CADM2: variants seen among roughly 807,000 people sequenced by gnomAD.
CADM2 encodes the protein immunoglobulin superfamily member 4D.
In CADM2, 12 loss-of-function variants were observed where a neutral mutation model predicts 49.8. The observed-to-expected ratio is 0.24, with a 90% CI of 0.15 to 0.39. CADM2 has a LOEUF of 0.39. Among genes scored for constraint, CADM2 ranks in the 10% least tolerant of loss-of-function variants. The pLI, the probability that CADM2 is intolerant of heterozygous loss-of-function variation, is 1.00. For synonymous variants in CADM2, 214 were observed against 175.4 expected (o/e 1.22, Z -1.74); for missense variants, 378 against 492.3 (o/e 0.77, Z 2.20).
At chr3:85,831,033 C>T (rs1364830259) in intron 3 of CADM2, among the ~76,000 whole-genome samples, 1 of 151,658 alleles carries the variant, frequency 6.6e-6, no homozygotes, top group African/African-American at 2.4e-5. Flanking sequence ...GTGTTCCCAT[C>T]GTTATGTTCA....
chr3:85,529,027 C>G (rs2061236532), intron 1 of CADM2, among the ~76,000 whole-genome samples: 2 of 151,846 alleles, frequency 1.3e-5, no homozygotes, highest in African/African-American at 4.8e-5. Flanking sequence ...ATGTAACAAC[C>G]CTGTCAGAAA....
intron 1 of CADM2, among the ~76,000 whole-genome samples, chr3:85,666,149 A>C (rs2065559343): frequency 6.6e-6 from 1 of 152,072 alleles, no homozygotes; most frequent in Non-Finnish European, 1.5e-5. Flanking sequence ...CAATTTCTAC[A>C]AACAGGATAA....
intron 3 of CADM2, among the ~76,000 whole-genome samples, chr3:85,862,897 T>TG (rs1157280908): frequency 3.3e-5 from 5 of 151,544 alleles, no homozygotes; most frequent in Admixed American, 6.6e-5. Context: ...ACAACTCAAA[T>TG]TTTTTTTTAC....
In CADM2 at chr3:85,778,469, G is replaced by T. The variant is rs148852145; in HGVS notation, c.89-23578G>T. ...AATCATCATGGGAGCAGTTTCTCCC[G>T]TGATGTTCTCGTGATAATGCACGAG... On this transcript the variant is annotated intron_variant, in intron 2 of 9. Coordinates refer to ENST00000383699, the MANE Select transcript of CADM2 (RefSeq NM_001167675.2). Among the ~76,000 whole-genome samples, 560 of 152,124 alleles carry T rather than the reference G, an allele frequency of 3.7e-3. 2 individuals carry two copies. The highest frequency in any genetic ancestry group is 0.013 in the African/African-American group (537 of 41,532).
intron 1 of CADM2, among the ~76,000 whole-genome samples, chr3:85,150,601 A>G (rs1303320410): frequency 6.6e-6 from 1 of 152,104 alleles, no homozygotes; most frequent in Non-Finnish European, 1.5e-5. Flanking sequence ...CTGAAATTCA[A>G]TCCATTAAGA....
intron 1 of CADM2, among the ~76,000 whole-genome samples, chr3:85,233,242 G>A (rs1468570128): frequency 6.6e-6 from 1 of 152,130 alleles, no homozygotes; most frequent in African/African-American, 2.4e-5. Context: ...GTGGGAAGGA[G>A]GGAGGGATAA....
chr3:85,148,429 T>G (rs2039819809), intron 1 of CADM2, among the ~76,000 whole-genome samples: 1 of 152,236 alleles, frequency 6.6e-6, no homozygotes, highest in Non-Finnish European at 1.5e-5. Flanking sequence ...GTATACTACA[T>G]TATGCTCATG....
At chr3:85,983,272 C>T (rs1727687084) in intron 8 of CADM2, among the ~76,000 whole-genome samples, 1 of 151,524 alleles carries the variant, frequency 6.6e-6, no homozygotes, top group Admixed American at 6.6e-5. Context: ...AGAACTTCAA[C>T]CACATGGAAT....
At chr3:85,048,611 A>G (rs2035757793) in intron 1 of CADM2, among the ~76,000 whole-genome samples, 2 of 152,148 alleles carry the variant, frequency 1.3e-5, no homozygotes, top group African/African-American at 4.8e-5. Flanking sequence ...GGAGTGAGAA[A>G]CAAAACTCAA....
intron 1 of CADM2, among the ~76,000 whole-genome samples, chr3:85,640,796 GAGATTGTTGCAGAATTTCAGTT>G (rs1222920826): frequency 6.6e-6 from 1 of 152,204 alleles, no homozygotes; most frequent in Non-Finnish European, 1.5e-5. Context: ...GAGCAATTTA[GAGATTGTTGCAGAATTTCAGTT>G]AGAAAGTGAT....
intron 1 of CADM2, among the ~76,000 whole-genome samples, chr3:85,525,874 A>G (rs925770800): frequency 6.6e-6 from 1 of 152,098 alleles, no homozygotes; most frequent in African/African-American, 2.4e-5. Flanking sequence ...CTGTACTTTT[A>G]ATTAATATTA....
At chr3:85,347,038 C>T (rs1433537802) in intron 1 of CADM2, among the ~76,000 whole-genome samples, 1 of 151,904 alleles carries the variant, frequency 6.6e-6, no homozygotes, top group Admixed American at 6.6e-5. Context: ...GCCTGGCCAA[C>T]ATGGCGAAAT....
intron 2 of CADM2, among the ~76,000 whole-genome samples, chr3:85,788,268 T>C (rs575832344): frequency 3.3e-5 from 5 of 152,302 alleles, no homozygotes; most frequent in African/African-American, 1.2e-4. Context: ...AACATTGTTA[T>C]ATTTATAGTT....
At chr3:85,637,467 T>A (rs1435155442) in intron 1 of CADM2, among the ~76,000 whole-genome samples, 1 of 148,264 alleles carries the variant, frequency 6.7e-6, no homozygotes, top group African/African-American at 2.5e-5. Flanking sequence ...CTGGGCGCGG[T>A]GGCGGGCGCC....
chr3:85,936,737 A>G (rs1381180413), intron 7 of CADM2, among the ~76,000 whole-genome samples: 2 of 151,848 alleles, frequency 1.3e-5, no homozygotes, highest in African/African-American at 2.4e-5. Flanking sequence ...GTTTCATACT[A>G]TCCCATGGAG....
intron 3 of CADM2, among the ~76,000 whole-genome samples, chr3:85,835,795 A>T (rs2074385718): frequency 2.7e-5 from 4 of 148,990 alleles, no homozygotes; most frequent in Admixed American, 2.0e-4. Flanking sequence ...TGCAAAAAAC[A>T]GACTCAGTAT....
chr3:85,562,839 C>G (rs1357871511), intron 1 of CADM2, among the ~76,000 whole-genome samples: 1 of 151,990 alleles, frequency 6.6e-6, no homozygotes, highest in African/African-American at 2.4e-5. Context: ...ATGCCACAGT[C>G]TCCGTTTTAT....
chr3:85,878,901 A>G lies in CADM2; in HGVS notation c.239-4390A>G, dbSNP rs142374296. 3.6e-3 allele frequency among the ~76,000 whole-genome samples: 553 copies of G among 152,190 alleles called. 9 individuals carry two copies. In the East Asian group the frequency reaches 0.038, roughly 10 times the overall value. On this transcript the variant is annotated intron_variant, in intron 3 of 9. Transcript: ENST00000383699. Reference sequence around the variant, plus strand: ...TGTGTTAGGGGAAATGAAATTGAGCACAGGAGGTGGGTAACGTATTCTATC... The same window carrying G: ...TGTGTTAGGGGAAATGAAATTGAGCGCAGGAGGTGGGTAACGTATTCTATC...
At chr3:85,521,710 T>C (rs2061029179) in intron 1 of CADM2, among the ~76,000 whole-genome samples, 1 of 152,178 alleles carries the variant, frequency 6.6e-6, no homozygotes, top group Non-Finnish European at 1.5e-5. Context: ...CTAATTTACA[T>C]ATTCCGTGAG....
Sources: gnomAD v4.1 joint callset for allele counts (sites outside exome capture counted in the v4.1 genomes callset) on GRCh38, gnomAD v4.1.1 for gene constraint, MANE v1.5 for transcripts, NCBI Gene and HGNC (gene_info 2026-07-23, HGNC 2026-07-21) for gene names.